ANO3: variants seen among roughly 807,000 people sequenced by gnomAD.
ANO3 encodes anoctamin 3, also known as anoctamin-3.
ANO3 carries 99 observed loss-of-function variants against 144.8 expected under a neutral mutation model. The observed-to-expected ratio is 0.68, with a 90% CI of 0.58 to 0.81. ANO3 has a LOEUF of 0.81. Ranked by LOEUF, ANO3 falls within the 30% of genes least tolerant of loss-of-function variation. The pLI is 0.00. For missense variants in ANO3, 905 were observed against 1,202.2 expected, an observed-to-expected ratio of 0.75 and a Z score of 3.66; for synonymous variants, 414 against 392.6, an observed-to-expected ratio of 1.05 and a Z score of -0.64.
chr11:26,360,168 T>C (rs1357926322), intron 1 of ANO3, among the ~76,000 whole-genome samples: 18 of 136,954 alleles, frequency 1.3e-4, no homozygotes, highest in African/African-American at 4.0e-4. Flanking sequence ...CTTCACTGCT[T>C]CCCCCAACCC....
At chr11:26,475,709 A>G (rs1348637788) in intron 4 of ANO3, among the ~76,000 whole-genome samples, 1 of 152,094 alleles carries the variant, frequency 6.6e-6, no homozygotes, top group Non-Finnish European at 1.5e-5. Flanking sequence ...GTCTATCATA[A>G]AAGTAAATTG....
intron 1 of ANO3, among the ~76,000 whole-genome samples, chr11:26,371,853 G>T (rs1457034141): frequency 1.3e-5 from 2 of 152,174 alleles, no homozygotes; most frequent in African/African-American, 4.8e-5. Context: ...ATCTAGGCAG[G>T]AACTAATGTG....
chr11:26,543,779 G>T (rs1325518089), intron 11 of ANO3, among the ~76,000 whole-genome samples: 1 of 152,018 alleles, frequency 6.6e-6, no homozygotes, highest in African/African-American at 2.4e-5. Flanking sequence ...CACTACAAAG[G>T]ACATGAACTC....
chr11:26,535,675 C>T (rs557010739), intron 9 of ANO3, among the ~76,000 whole-genome samples: 16 of 143,994 alleles, frequency 1.1e-4, no homozygotes, highest in African/African-American at 3.5e-4. Context: ...CTCTGCCTCC[C>T]GGGTTCACAC....
chr11:26,387,998 T>C (rs1856779105), intron 1 of ANO3, among the ~76,000 whole-genome samples: 1 of 147,426 alleles, frequency 6.8e-6, no homozygotes, highest in Non-Finnish European at 1.5e-5. Context: ...CAGATTATGG[T>C]CATTTATTTT....
intron 1 of ANO3, among the ~76,000 whole-genome samples, chr11:26,397,595 T>C (rs573731910): frequency 1.4e-5 from 2 of 147,912 alleles, no homozygotes; most frequent in Non-Finnish European, 3.0e-5. Context: ...TTGTAAATAT[T>C]ATTAGGGTGC....
chr11:26,501,690 G>A (rs921969957), intron 4 of ANO3, among the ~76,000 whole-genome samples: 2 of 152,118 alleles, frequency 1.3e-5, no homozygotes, highest in African/African-American at 2.4e-5. Flanking sequence ...GGTCAAGATC[G>A]GCAAGCTGAG....
At chr11:26,421,601 G>A (rs553451718) in intron 1 of ANO3, among the ~76,000 whole-genome samples, 2 of 151,894 alleles carry the variant, frequency 1.3e-5, no homozygotes, top group Non-Finnish European at 2.9e-5. Flanking sequence ...TAATATCAAG[G>A]TATCTTGCTA....
intron 14 of ANO3, among the ~76,000 whole-genome samples, chr11:26,594,134 G>C (rs140157297): frequency 0.01 from 1,532 of 152,238 alleles, 38 homozygotes; most frequent in African/African-American, 0.035. Flanking sequence ...TGTTATAGTG[G>C]ACATCATTGA....
At position 26,647,962 on chromosome 11, in the gene ANO3, A is replaced by C. The variant is rs1853403188; in HGVS notation, c.2576+106A>C. 3 of 1,072,360 alleles carry C rather than the reference A, an allele frequency of 2.8e-6. No homozygotes were observed. The South Asian group carries it at 5.9e-5, about 21-fold the overall frequency. 66.4% of individuals were successfully genotyped at this position (1,072,360 alleles called of 1,614,324 possible). ...GTGACCATTAAGGGTGGTGTTTCTA[A>C]GCATTGCATTTATAATGTGTTTATT... On this transcript the variant is annotated intron_variant, in intron 24 of 26. Coordinates refer to ENST00000256737, the MANE Select transcript of ANO3 (RefSeq NM_031418.4).
intron 18 of ANO3, among the ~76,000 whole-genome samples, chr11:26,628,711 A>G (rs1852672557): frequency 6.6e-6 from 1 of 152,218 alleles, no homozygotes; most frequent in South Asian, 2.1e-4. Flanking sequence ...CAGGACAACA[A>G]CTTATTATTT....
chr11:26,300,766 T>C (rs16915445), intron 1 of ANO3, among the ~76,000 whole-genome samples: 9,468 of 152,252 alleles, frequency 0.062, 566 homozygotes, highest in African/African-American at 0.15. Flanking sequence ...TAACATAACC[T>C]TGCATAATAT....
At chr11:26,500,505 T>C (rs530126786) in intron 4 of ANO3, among the ~76,000 whole-genome samples, 1 of 152,222 alleles carries the variant, frequency 6.6e-6, no homozygotes, top group South Asian at 2.1e-4. Context: ...TGGTGAAAAA[T>C]GGTGTCTCAC....
In ANO3 at chr11:26,189,280, C is replaced by G. The variant is rs759498297; in HGVS notation, c.104C>G (p.Ser35Cys). ...GCTTTACCCTGTTTGACTGAACTCT[C>G]TGGTGATTCTAGTCAACTGGAACTT... The change falls in exon 1 of 28, where the codon TCT becomes TGT. Residue 35 changes from serine to cysteine, a missense_variant. Transcript: ENST00000672621. The G allele has an allele frequency of 8.4e-4, 824 of 985,230 alleles. 1 individual carries two copies. Among genetic ancestry groups the G allele is most frequent in the Non-Finnish European group, 9.5e-4 (789 of 829,898 alleles). 61.0% of individuals were successfully genotyped at this position (985,230 alleles called of 1,614,324 possible).
intron 1 of ANO3, among the ~76,000 whole-genome samples, chr11:26,231,912 C>T (rs1564926881): frequency 6.6e-6 from 1 of 152,140 alleles, no homozygotes; most frequent in African/African-American, 2.4e-5. Context: ...GTTCACAGAG[C>T]TTATAAATCA....
chr11:26,236,885 C>A (rs554774654), intron 1 of ANO3, among the ~76,000 whole-genome samples: 3 of 150,178 alleles, frequency 2.0e-5, no homozygotes, highest in Non-Finnish European at 4.4e-5. Context: ...ATTTAGCTAT[C>A]TATACCACAT....
intron 10 of ANO3, among the ~76,000 whole-genome samples, chr11:26,540,782 A>G (rs1849622695): frequency 6.6e-6 from 1 of 152,194 alleles, no homozygotes; most frequent in Non-Finnish European, 1.5e-5. Context: ...CTATCATTAA[A>G]AAGTCAGGAA....
At chr11:26,230,428 C>A (rs999857462) in intron 1 of ANO3, among the ~76,000 whole-genome samples, 3 of 152,048 alleles carry the variant, frequency 2.0e-5, no homozygotes, top group African/African-American at 7.2e-5. Context: ...CATATCTGGA[C>A]TGATATTCTT....
chr11:26,652,924 A>G (rs1853576394), intron 24 of ANO3, among the ~76,000 whole-genome samples: 1 of 152,112 alleles, frequency 6.6e-6, no homozygotes. Context: ...TCCCTTCTTA[A>G]TGTACTTTAT....
Sources: allele counts gnomAD v4.1 joint callset (sites outside exome capture counted in the v4.1 genomes callset), GRCh38; gene constraint gnomAD v4.1.1; transcripts MANE v1.5; gene names NCBI Gene and HGNC (gene_info 2026-07-23, HGNC 2026-07-21).